TSHZ3: variants seen among roughly 807,000 people sequenced by gnomAD.
TSHZ3 encodes teashirt homolog 3.
TSHZ3 carries 10 observed loss-of-function variants against 64.5 expected under a neutral mutation model. The ratio of observed to expected loss-of-function variants is 0.16; its 90% confidence interval spans 0.10 to 0.26. The LOEUF is 0.26. Among genes scored for constraint, TSHZ3 ranks in the 10% least tolerant of loss-of-function variants. The probability of loss-of-function intolerance (pLI) is 1.00; values close to 1 mark genes in which losing one functional copy is unlikely to be tolerated. For synonymous variants in TSHZ3, 608 were observed against 593.1 expected, an observed-to-expected ratio of 1.03 and a Z score of -0.36; for missense variants, 1,242 against 1,421.7, an observed-to-expected ratio of 0.87 and a Z score of 2.03.
In TSHZ3 at chr19:31,279,315, A is replaced by AGCTGCT. The variant is rs748193756; in HGVS notation, c.472_477dup (p.Ser158_Ser159dup). 2 of 1,613,676 alleles carry AGCTGCT rather than the reference A, an allele frequency of 1.2e-6. No individual in the cohort carries two copies. The highest frequency in any genetic ancestry group is 1.3e-5 in the African/African-American group (1 of 75,030). ...TGCCAGTCGAAGCTCCCGCTGCCAC[A>AGCTGCT]GCTGCTGCTGCTGCTACTGCTGCTG... is the stretch of plus-strand genomic sequence containing the variant. On this transcript the variant is annotated inframe_insertion, in exon 2 of 2. Coordinates refer to ENST00000240587, the MANE Select transcript of TSHZ3 (RefSeq NM_020856.4). This position sits in a 1 kb window ranked among gnomAD's most constrained non-coding sequence, Gnocchi z 6.4.
chr19:31,336,618 C>G (rs1034780130), intron 1 of TSHZ3, among the ~76,000 whole-genome samples: 1 of 152,180 alleles, frequency 6.6e-6, no homozygotes, highest in African/African-American at 2.4e-5. Flanking sequence ...TGTAGAAGGG[C>G]ATCGGATCCT....
chr19:31,281,680 A>G (rs956176446), intron 1 of TSHZ3, among the ~76,000 whole-genome samples: 2 of 152,248 alleles, frequency 1.3e-5, no homozygotes, highest in African/African-American at 2.4e-5. Context: ...GCGCTGGCCA[A>G]TGGAGGCTCC....
chr19:31,350,716 T>C (rs2145211063), upstream of TSHZ3, among the ~76,000 whole-genome samples: 1 of 150,242 alleles, frequency 6.7e-6, no homozygotes, highest in Non-Finnish European at 1.5e-5. Context: ...GCGGGCTCAC[T>C]TACGGGCGGC....
intron 4 of TSHZ3, among the ~76,000 whole-genome samples, chr19:31,222,123 T>C (rs779569054): frequency 6.6e-6 from 1 of 152,214 alleles, no homozygotes; most frequent in Non-Finnish European, 1.5e-5. Context: ...CTCATAGAGA[T>C]TTCCCATGAA....
intron 5 of TSHZ3, among the ~76,000 whole-genome samples, chr19:31,157,947 C>T (rs1974327345): frequency 1.3e-5 from 2 of 152,192 alleles, no homozygotes; most frequent in South Asian, 2.1e-4. Context: ...TGGTCACTCT[C>T]GTGGTACAAT....
At chr19:31,217,418 A>G (rs1486382136) in intron 4 of TSHZ3, among the ~76,000 whole-genome samples, 1 of 152,160 alleles carries the variant, frequency 6.6e-6, no homozygotes, top group Non-Finnish European at 1.5e-5. Flanking sequence ...TAAAGTGCAA[A>G]GCAAATGTTA....
At chr19:31,222,721 T>C (rs1975407327) in intron 4 of TSHZ3, among the ~76,000 whole-genome samples, 1 of 152,128 alleles carries the variant, frequency 6.6e-6, no homozygotes, top group Admixed American at 6.5e-5. Flanking sequence ...TTGAATGGAG[T>C]TAATTTGAAT....
At chr19:31,246,992 G>A (rs1275710125) in intron 1 of TSHZ3, among the ~76,000 whole-genome samples, 2 of 152,058 alleles carry the variant, frequency 1.3e-5, no homozygotes, top group Non-Finnish European at 2.9e-5. Context: ...ATGATTTATT[G>A]AATGAAATAA....
intron 1 of TSHZ3, among the ~76,000 whole-genome samples, chr19:31,296,643 T>C (rs1285074383): frequency 6.6e-6 from 1 of 152,128 alleles, no homozygotes; most frequent in African/African-American, 2.4e-5. Context: ...GTTAGTACTG[T>C]GTCATTTTGA....
intron 1 of TSHZ3, among the ~76,000 whole-genome samples, chr19:31,320,181 CA>C (rs1435850152): frequency 6.6e-6 from 1 of 152,146 alleles, no homozygotes; most frequent in East Asian, 1.9e-4. Context: ...TTGAGAATGA[CA>C]ACATGACCAC....
rs951653745 is a variant in TSHZ3, at chr19:31,169,287, A to G, written n.810-12870T>C. 2.0e-5 allele frequency among the ~76,000 whole-genome samples: 3 copies of G among 152,372 alleles called. No homozygotes were observed. The East Asian group carries it at 5.8e-4, about 29-fold the overall frequency. On this transcript the variant is annotated intron_variant and non_coding_transcript_variant, in intron 5 of 6. Transcript: ENST00000651361. ...ACCCAGCAACTCCGCTATTGGGTCT[A>G]TACCCTGAAGAATTGAAGAGATACT...
intron 3 of TSHZ3, among the ~76,000 whole-genome samples, chr19:31,241,836 C>A (rs1025913990): frequency 3.3e-5 from 5 of 152,162 alleles, no homozygotes; most frequent in Admixed American, 3.3e-4. Context: ...TTGTTATTGC[C>A]CCAAATCAGT....
chr19:31,319,887 T>G (rs199999238), intron 1 of TSHZ3, among the ~76,000 whole-genome samples: 5 of 52,026 alleles, frequency 9.6e-5, no homozygotes, highest in Admixed American at 8.9e-4. Flanking sequence ...GCAGCCCCCC[T>G]GAGAAAGTAG....
chr19:31,210,237 A>C (rs1288466866), intron 4 of TSHZ3, among the ~76,000 whole-genome samples: 1 of 151,954 alleles, frequency 6.6e-6, no homozygotes, highest in Non-Finnish European at 1.5e-5. Context: ...GGTTGGAGGG[A>C]CTCTCAAGAA....
chr19:31,173,462 C>A (rs1974564385), intron 5 of TSHZ3, among the ~76,000 whole-genome samples: 1 of 152,152 alleles, frequency 6.6e-6, no homozygotes, highest in Non-Finnish European at 1.5e-5. Flanking sequence ...AAAATGAGGT[C>A]ACATTAAGAA....
At chr19:31,231,485 T>C (rs796711099) in intron 3 of TSHZ3, among the ~76,000 whole-genome samples, 4 of 152,326 alleles carry the variant, frequency 2.6e-5, no homozygotes, top group African/African-American at 7.2e-5. Flanking sequence ...TGTGAAAGAT[T>C]TGTGGCAGTT....
intron 5 of TSHZ3, among the ~76,000 whole-genome samples, chr19:31,189,927 T>A (rs2145136548): frequency 6.6e-6 from 1 of 152,280 alleles, no homozygotes; most frequent in Admixed American, 6.5e-5. Context: ...ATTCTTCTTT[T>A]TAAATTACCC....
chr19:31,283,727 C>G (rs1276702866), intron 1 of TSHZ3, among the ~76,000 whole-genome samples: 2 of 152,238 alleles, frequency 1.3e-5, no homozygotes, highest in Non-Finnish European at 2.9e-5. Flanking sequence ...TCTCTGCAAA[C>G]GCCAACCTCA....
chr19:31,194,931 TA>T (rs1364949981), intron 5 of TSHZ3, among the ~76,000 whole-genome samples: 2 of 152,010 alleles, frequency 1.3e-5, no homozygotes, highest in African/African-American at 4.8e-5. Flanking sequence ...AAAAACACTA[TA>T]ATAGAAATGA....
Sources: gnomAD v4.1 joint callset for allele counts (sites outside exome capture counted in the v4.1 genomes callset) on GRCh38, gnomAD v4.1.1 for gene constraint, Gnocchi (gnomAD v3.1) non-coding constraint, MANE v1.5 for transcripts, NCBI Gene and HGNC (gene_info 2026-07-23, HGNC 2026-07-21) for gene names.